Variants in ACAD11 observed in about 807,000 individuals in gnomAD.
ACAD11 encodes the protein acyl-CoA dehydrogenase family member 11.
A neutral mutation model predicts 102.2 loss-of-function variants in ACAD11; 83 were observed. That is an observed-to-expected ratio of 0.81 (90% CI 0.68 to 0.97). ACAD11 has a LOEUF of 0.97. ACAD11 is among the 50% of genes least tolerant of loss of function. ACAD11 has a pLI of 0.00. For missense variants in ACAD11, 901 were observed against 951.7 expected (o/e 0.95, Z 0.70); for synonymous variants, 324 against 319.8 (o/e 1.01, Z -0.14).
Position 132,642,720 on chromosome 3 carries a change from G to C in ACAD11, c.332C>G (p.Thr111Ser). The change falls in exon 3 of 20, where the codon ACT (threonine) becomes AGT (serine). Residue 111 changes from threonine (T) to serine (S), a missense_variant. Physicochemically the swap from Thr to Ser is moderately conservative, Grantham distance 58. Coordinates refer to ENST00000264990, the MANE Select transcript of ACAD11 (RefSeq NM_032169.5). ...VPKPILYCSD[T>S]SVIGTEFYVM... ...GTAAAATTCTGTTCCAATGACAGAAGTATCACTGCAGTACAGTATAGGCTT... is the reference window on the plus strand; with the variant it reads ...GTAAAATTCTGTTCCAATGACAGAACTATCACTGCAGTACAGTATAGGCTT... The C allele has an allele frequency of 6.2e-7, 1 of 1,611,884 alleles. No individual in the cohort carries two copies. The highest frequency in any genetic ancestry group is 8.5e-7 in the Non-Finnish European group (1 of 1,179,190).
In ACAD11 at chr3:132,586,501, A is replaced by G. The variant is rs146113444; in HGVS notation, c.1622-6943T>C. On this transcript the variant is annotated intron_variant, in intron 13 of 19. Transcript: ENST00000264990. ...AAACTTAAAGTGTAATAAAAAAAAAACCACATGCATTAAATTGACCAAGAG... is the reference window on the plus strand; with the variant it reads ...AAACTTAAAGTGTAATAAAAAAAAAGCCACATGCATTAAATTGACCAAGAG... 2.9e-3 allele frequency among the ~76,000 whole-genome samples: 445 copies of G among 152,190 alleles called. 2 individuals are homozygous for G. The highest frequency in any genetic ancestry group is 0.01 in the African/African-American group (427 of 41,524).
At chr3:132,568,331 A>G (rs1370666584) in intron 17 of ACAD11, among the ~76,000 whole-genome samples, 1 of 152,210 alleles carries the variant, frequency 6.6e-6, no homozygotes, top group Non-Finnish European at 1.5e-5. Flanking sequence ...ATACTTATGT[A>G]TAGGACTTGT....
At chr3:132,644,671 A>G in intron 2 of ACAD11, 126 bp downstream of exon 2, 1 of 425,192 alleles carries the variant, frequency 2.4e-6, no homozygotes. Context: ...AATTTTCATT[A>G]GAAATAAAAT....
At chr3:132,601,920 T>C (rs982157669) in intron 13 of ACAD11, 18 of 178,070 alleles carry the variant, frequency 1.0e-4, no homozygotes, top group African/African-American at 4.2e-4. Context: ...TCTTTGTAAC[T>C]TCCTGTGAAT....
chr3:132,628,302 C>A, intron 8 of ACAD11, 38 bp downstream of exon 8: 1 of 1,463,974 alleles, frequency 6.8e-7, no homozygotes. Flanking sequence ...CCAATAAAGG[C>A]TCTAATTTGA....
chr3:132,637,195 A>C (rs1278403564), intron 5 of ACAD11, among the ~76,000 whole-genome samples: 1 of 152,118 alleles, frequency 6.6e-6, no homozygotes, highest in Non-Finnish European at 1.5e-5. Flanking sequence ...GTAAAATAAT[A>C]ATAATAATGA....
rs187677414 is a variant in ACAD11 at position 132,607,439 on chromosome 3, T to C, written c.1415-2234A>G. Among the ~76,000 whole-genome samples the C allele has an allele frequency of 3.9e-4, 60 of 152,214 alleles. 1 individual carries two copies. The East Asian group carries it at 4.6e-3, about 12-fold the overall frequency. ...TTAGAGAAGACCATAAATGACCTGA[T>C]AGAGCTGCAAAACACAGCACGAGAA... On this transcript the variant is annotated intron_variant, in intron 11 of 19. Coordinates refer to ENST00000264990, the MANE Select transcript of ACAD11 (RefSeq NM_032169.5).
intron 13 of ACAD11, among the ~76,000 whole-genome samples, chr3:132,593,219 AAT>A (rs1358374147): frequency 2.6e-5 from 4 of 151,988 alleles, no homozygotes; most frequent in African/African-American, 9.7e-5. Context: ...AGCAAAAAAA[AAT>A]TGGGGGGGAA....
At chr3:132,602,280 G>A (rs1262736283) in intron 13 of ACAD11, 1 of 166,440 alleles carries the variant, frequency 6.0e-6, no homozygotes, top group African/African-American at 2.4e-5. Context: ...CTTCTATGAT[G>A]TCAACTTTCT....
chr3:132,561,186 C>T lies in ACAD11; in HGVS notation c.2033G>A (p.Arg678His), dbSNP rs1345821278. 3 of 1,613,108 alleles carry T rather than the reference C, an allele frequency of 1.9e-6. No homozygotes were observed. Among genetic ancestry groups the T allele is most frequent in the Non-Finnish European group, 2.5e-6 (3 of 1,179,446 alleles). The change falls in exon 18 of 20, where the codon CGC becomes CAC. Residue 678 changes from arginine (R) to histidine (H), a missense_variant. Coordinates refer to ENST00000264990, the MANE Select transcript of ACAD11 (RefSeq NM_032169.5). The stretch of plus-strand genomic sequence containing the variant: ...CAAGCGGATCTTCTCAATGGCAATG[C>T]GGCTTTCAGCAATCCAGTGAGCCAC... ...EVVAHWIAES[R>H]IAIEKIRLLT...
At chr3:132,653,386 T>C (rs1186305271) in intron 1 of ACAD11, among the ~76,000 whole-genome samples, 1 of 152,178 alleles carries the variant, frequency 6.6e-6, no homozygotes, top group Non-Finnish European at 1.5e-5. Context: ...TCTGTACACA[T>C]ATATTCTGTC....
At chr3:132,619,445 T>G in intron 10 of ACAD11, 23 bp downstream of exon 10, 1 of 1,526,442 alleles carries the variant, frequency 6.6e-7, no homozygotes, top group South Asian at 1.3e-5. Flanking sequence ...ATATGAATTT[T>G]CTAGCGTTAA....
intron 13 of ACAD11, chr3:132,602,217 C>T (rs1938639949): frequency 6.0e-6 from 1 of 166,430 alleles, no homozygotes; most frequent in Non-Finnish European, 1.5e-5. Context: ...CTATAATAAG[C>T]TTTTCTGATT....
At chr3:132,570,808 A>G (rs1396754881) in intron 17 of ACAD11, among the ~76,000 whole-genome samples, 1 of 152,158 alleles carries the variant, frequency 6.6e-6, no homozygotes, top group African/African-American at 2.4e-5. Context: ...AATGACCTCC[A>G]GCTCTATCCA....
intron 19 of ACAD11, 132 bp downstream of exon 19, chr3:132,559,701 T>C: frequency 1.5e-6 from 1 of 667,392 alleles, no homozygotes; most frequent in Admixed American, 2.9e-5. Flanking sequence ...GAGCTCTATA[T>C]TAATGTATAT....
intron 17 of ACAD11, 100 bp from the exon 18 acceptor site, chr3:132,561,317 G>C (rs756583317): frequency 2.0e-5 from 17 of 846,820 alleles, no homozygotes; most frequent in Non-Finnish European, 3.2e-5. Flanking sequence ...CACTCTCTAA[G>C]CCAGAGATTG....
chr3:132,653,053 C>A (rs1306903514), intron 1 of ACAD11, among the ~76,000 whole-genome samples: 2 of 152,280 alleles, frequency 1.3e-5, no homozygotes, highest in East Asian at 3.9e-4. Flanking sequence ...AGGACATGTA[C>A]AGCAACACTA....
At chr3:132,562,783 T>C (rs778250702) in intron 17 of ACAD11, among the ~76,000 whole-genome samples, 1 of 152,232 alleles carries the variant, frequency 6.6e-6, no homozygotes. Context: ...GTTTTCTTAC[T>C]ATTTGATTTA....
At chr3:132,631,298 G>T in intron 6 of ACAD11, 43 bp downstream of exon 6, 1 of 1,239,312 alleles carries the variant, frequency 8.1e-7, no homozygotes, top group Non-Finnish European at 1.1e-6. Flanking sequence ...AATAAAGACA[G>T]TTTTATATTA....
Sources: gnomAD v4.1 joint callset for allele counts (sites outside exome capture counted in the v4.1 genomes callset) on GRCh38, gnomAD v4.1.1 for gene constraint, MANE v1.5 for transcripts, NCBI Gene and HGNC (gene_info 2026-07-23, HGNC 2026-07-21) for gene names.